OSBPL5: variants seen among roughly 807,000 people sequenced by gnomAD.
OSBPL5 encodes oxysterol binding protein like 5, also known as oxysterol-binding protein-related protein 5.
A neutral mutation model predicts 111.2 loss-of-function variants in OSBPL5; 71 were observed. The ratio of observed to expected loss-of-function variants is 0.64; its 90% CI spans 0.53 to 0.78. The LOEUF is 0.78. Ranked by LOEUF, OSBPL5 falls within the 30% of genes least tolerant of loss-of-function variation. The pLI, the probability that OSBPL5 is intolerant of heterozygous loss-of-function variation, is 0.00. For synonymous variants in OSBPL5, 549 were observed against 513.9 expected (o/e 1.07, Z -0.93); for missense variants, 1,210 against 1,189.3 (o/e 1.02, Z -0.26).
At position 3,107,524 on chromosome 11, in the gene OSBPL5, C is replaced by G; in HGVS notation, c.867-69G>C. On this transcript the variant is annotated intron_variant, in intron 8 of 21. Transcript: ENST00000263650. This position sits in a 1 kb window ranked among gnomAD's most constrained non-coding sequence, Gnocchi z 6.1. ...GCCCAGCACAGCCCTCTGGGCTGCC[C>G]ACCCCTCGCTGCTCCGCACTTCACA... The G allele has an allele frequency of 1.3e-6, 2 of 1,545,010 alleles. No individual in the cohort carries two copies. The highest frequency in any genetic ancestry group is 4.5e-5 in the East Asian group (2 of 44,356).
chr11:3,094,543 CCTGGGAGGTGCG>C (rs1857189253), intron 14 of OSBPL5: 1 of 249,192 alleles, frequency 4.0e-6, no homozygotes, highest in East Asian at 6.0e-4. Context: ...GGGTGCGGAG[CCTGGGAGGTGCG>C]GAGCCTGGGA....
intron 5 of OSBPL5, 55 bp from the exon 6 acceptor site, chr11:3,120,679 G>A (rs1858377157): frequency 1.3e-6 from 2 of 1,585,184 alleles, no homozygotes; most frequent in Admixed American, 1.7e-5. Context: ...CATCCCTGGG[G>A]CATCTTGATG....
At position 3,144,431 on chromosome 11, in the gene OSBPL5, A is replaced by G. The variant is rs142712195; in HGVS notation, c.-21-15262T>C. 4.9e-4 allele frequency among the ~76,000 whole-genome samples: 74 copies of G among 152,340 alleles called. 4 individuals carry two copies. The East Asian group carries it at 0.011, about 22-fold the overall frequency. On this transcript the variant is annotated intron_variant, in intron 1 of 21. Transcript: ENST00000263650. The stretch of plus-strand genomic sequence containing the variant: ...CTTTAAAAAACAAAGTGGAATTTCC[A>G]TAACTCTTCACATTCCCATCAATGC...
Position 3,104,127 on chromosome 11 carries a change from G to A in OSBPL5, c.1244+66C>T. On this transcript the variant is annotated intron_variant, in intron 10 of 21. Coordinates refer to ENST00000263650, the MANE Select transcript of OSBPL5 (RefSeq NM_020896.4). This position sits in a 1 kb window ranked among gnomAD's most constrained non-coding sequence, Gnocchi z 5.0. ...CCCCACAGGGCAGGTAGGGGCTGGG[G>A]GTGCTGCAGGGTCTCATGCAGATGC... is the stretch of plus-strand genomic sequence containing the variant. 1.3e-6 allele frequency: 2 copies of A among 1,510,532 alleles called. No individual in the cohort carries two copies. Among genetic ancestry groups the A allele is most frequent in the African/African-American group, 1.4e-5 (1 of 72,910 alleles). 93.6% of individuals were successfully genotyped at this position (1,510,532 alleles called of 1,614,324 possible).
At chr11:3,124,849 C>T (rs1444260325) in intron 3 of OSBPL5, among the ~76,000 whole-genome samples, 1 of 135,144 alleles carries the variant, frequency 7.4e-6, no homozygotes, top group African/African-American at 2.7e-5. Context: ...GACGCATGAA[C>T]CTGCTGCCAA....
Position 3,161,364 on chromosome 11 carries a change from G to C in OSBPL5, c.-22+3852C>G, listed in dbSNP as rs1450419952. On this transcript the variant is annotated intron_variant, in intron 1 of 21. Coordinates refer to ENST00000263650, the MANE Select transcript of OSBPL5 (RefSeq NM_020896.4). The surrounding 1 kb of genome is among the most constrained non-coding windows in gnomAD (Gnocchi z 8.0). ...ACTCTGGGAAGAGTCACGCCCTCTTGTCCTTCCCATCCTAGAGCATGGAGG... is the reference window on the plus strand; with the variant it reads ...ACTCTGGGAAGAGTCACGCCCTCTTCTCCTTCCCATCCTAGAGCATGGAGG... The C allele has an allele frequency of 1.3e-5, 2 of 152,196 alleles. No individual in the cohort carries two copies. Among genetic ancestry groups the C allele is most frequent in the East Asian group, 3.9e-4 (2 of 5,176 alleles). The allele number at this position is 152,196 out of a possible 1,614,324, so 9.4% of individuals were successfully genotyped here.
chr11:3,096,523 G>A (rs1393247664), intron 14 of OSBPL5, among the ~76,000 whole-genome samples: 2 of 151,620 alleles, frequency 1.3e-5, no homozygotes, highest in African/African-American at 4.9e-5. Context: ...GGAGGCTGAG[G>A]CAGGAGAATC....
intron 1 of OSBPL5, among the ~76,000 whole-genome samples, chr11:3,135,272 C>G (rs770099929): frequency 2.0e-5 from 3 of 152,260 alleles, no homozygotes; most frequent in Non-Finnish European, 2.9e-5. Flanking sequence ...CTTGACTACT[C>G]AAGCACCTCT....
chr11:3,101,558 G>GC (rs1484131276), intron 13 of OSBPL5, 45 bp downstream of exon 13: 1 of 1,547,052 alleles, frequency 6.5e-7, no homozygotes, highest in Non-Finnish European at 8.9e-7. Context: ...CCCGACCATC[G>GC]CATTTCCCTG....
At chr11:3,118,276 C>T (rs562152800) in intron 7 of OSBPL5, among the ~76,000 whole-genome samples, 15 of 152,254 alleles carry the variant, frequency 9.9e-5, no homozygotes, top group Non-Finnish European at 1.6e-4. Flanking sequence ...AGTCACCCCT[C>T]TGCTCACTGA....
intron 17 of OSBPL5, chr11:3,093,313 G>A: frequency 1.2e-6 from 1 of 818,104 alleles, no homozygotes; most frequent in South Asian, 1.8e-5. Flanking sequence ...GATGCAGTGA[G>A]AGGTCACGGC....
chr11:3,090,678 G>C lies in OSBPL5; in HGVS notation c.2278C>G (p.Arg760Gly), dbSNP rs758650757. The C allele has an allele frequency of 6.2e-7, 1 of 1,611,702 alleles. No individual in the cohort carries two copies. Among genetic ancestry groups the C allele is most frequent in the Non-Finnish European group, 8.5e-7 (1 of 1,179,614 alleles). The change falls in exon 20 of 22, where the codon CGG becomes GGG. Residue 760 changes from arginine (R) to glycine (G), a missense_variant. Transcript: ENST00000263650. ...GGCTGGTCGCTGGCCTTGCGAAGCCGCTGGTCTGGGCCAGACCTCTGCAGA... is the reference window on the plus strand; with the variant it reads ...GGCTGGTCGCTGGCCTTGCGAAGCCCCTGGTCTGGGCCAGACCTCTGCAGA... ...PRHERSGPDQRLRKASDQPSG... is the reference protein window; with the variant it reads ...PRHERSGPDQGLRKASDQPSG...
At position 3,140,010 on chromosome 11, in the gene OSBPL5, C is replaced by G. The variant is rs1372123085; in HGVS notation, c.-21-10841G>C. ...CCCCTGCTCTGAGAAGCCAGCCTCA[C>G]AAGATCATTCATCGCAAGCTCTGGG... On this transcript the variant is annotated intron_variant, in intron 1 of 21. Transcript: ENST00000263650. This position sits in a 1 kb window ranked among gnomAD's most constrained non-coding sequence, Gnocchi z 4.5. 6.6e-6 allele frequency among the ~76,000 whole-genome samples: 1 copy of G among 152,242 alleles called. No homozygotes were observed. The highest frequency in any genetic ancestry group is 1.5e-5 in the Non-Finnish European group (1 of 68,026).
chr11:3,121,866 G>T lies in OSBPL5; in HGVS notation c.402+131C>A. ...AAGGCCTCATGAGGAAGGAGCAGAG[G>T]CTGCAGTGATAACGGCTAGATGCAG... On this transcript the variant is annotated intron_variant, in intron 5 of 21. Transcript: ENST00000263650. The surrounding 1 kb of genome is among the most constrained non-coding windows in gnomAD (Gnocchi z 4.3). 1.3e-6 allele frequency: 1 copy of T among 758,796 alleles called. No homozygotes were observed. The highest frequency in any genetic ancestry group is 2.2e-6 in the Non-Finnish European group (1 of 458,930). 47.0% of individuals were successfully genotyped at this position (758,796 alleles called of 1,614,324 possible). A position where few individuals can be genotyped will look rare whatever the true frequency, so the allele number is the denominator to read the frequency against.
intron 1 of OSBPL5, among the ~76,000 whole-genome samples, chr11:3,131,927 GTCCATCCATCCA>G (rs532838844): frequency 0.12 from 2,763 of 23,306 alleles, 295 homozygotes; most frequent in African/African-American, 0.22. Flanking sequence ...CCATCCTCCT[GTCCATCCATCCA>G]TCCATCCATC....
intron 1 of OSBPL5, among the ~76,000 whole-genome samples, chr11:3,147,939 C>T (rs1846417049): frequency 6.6e-6 from 1 of 152,164 alleles, no homozygotes; most frequent in South Asian, 2.1e-4. Context: ...ACCGAGCTGC[C>T]CTCGGTTCCC....
chr11:3,126,744 TG>T lies in OSBPL5; in HGVS notation c.137-190del. On this transcript the variant is annotated intron_variant, in intron 2 of 21. Transcript: ENST00000263650. The surrounding 1 kb of genome is among the most constrained non-coding windows in gnomAD (Gnocchi z 6.5). ...TAATAAACGCCAGCAAGCGTCACTGTGGGAGGAGTGTGCCAGGAGAACTGGC... is the reference window on the plus strand; with the variant it reads ...TAATAAACGCCAGCAAGCGTCACTGTGGAGGAGTGTGCCAGGAGAACTGGC... 1 of 491,778 alleles carries T rather than the reference TG, an allele frequency of 2.0e-6. No individual in the cohort carries two copies. The highest frequency in any genetic ancestry group is 2.6e-5 in the South Asian group (1 of 37,874). 30.5% of individuals were successfully genotyped at this position (491,778 alleles called of 1,614,324 possible).
chr11:3,089,360 C>T (rs906319037), intron 21 of OSBPL5, among the ~76,000 whole-genome samples: 1 of 152,188 alleles, frequency 6.6e-6, no homozygotes, highest in Non-Finnish European at 1.5e-5. Context: ...CTCTGCTCCT[C>T]ATTGGTGGGA....
intron 1 of OSBPL5, among the ~76,000 whole-genome samples, chr11:3,151,438 G>T (rs1012800498): frequency 1.3e-5 from 2 of 152,152 alleles, no homozygotes; most frequent in African/African-American, 4.8e-5. Flanking sequence ...CTGCAGAAAA[G>T]TCCCCACTTC....
Sources: allele counts gnomAD v4.1 joint callset (sites outside exome capture counted in the v4.1 genomes callset), GRCh38; gene constraint gnomAD v4.1.1; non-coding constraint Gnocchi (gnomAD v3.1); transcripts MANE v1.5; gene names NCBI Gene and HGNC (gene_info 2026-07-23, HGNC 2026-07-21).